RRAS2: variants seen among roughly 807,000 people sequenced by gnomAD.
The protein encoded by RRAS2 is ras-related protein R-Ras2.
RRAS2 carries 7 observed loss-of-function variants against 27.6 expected under a neutral mutation model. The observed-to-expected ratio is 0.25, with a 90% CI of 0.14 to 0.48. The LOEUF is 0.48. Ranked by LOEUF, RRAS2 falls within the 20% of genes least tolerant of loss-of-function variation. RRAS2 has a pLI of 0.99. For synonymous variants in RRAS2, 86 were observed against 90.9 expected (o/e 0.95, Z 0.31); for missense variants, 178 against 256.2 (o/e 0.69, Z 2.08).
At position 14,281,787 on chromosome 11, in the gene RRAS2, C is replaced by T. The variant is rs1184941213; in HGVS notation, c.409-67G>A. ...CTGGATTTGTTCCATCTAATCCTGGCCACAGATTGTGCTAATAATTCAGCC... is the reference window on the plus strand; with the variant it reads ...CTGGATTTGTTCCATCTAATCCTGGTCACAGATTGTGCTAATAATTCAGCC... On this transcript the variant is annotated intron_variant, in intron 4 of 5. Coordinates refer to ENST00000256196, the MANE Select transcript of RRAS2 (RefSeq NM_012250.6). The T allele has an allele frequency of 7.5e-6, 10 of 1,335,380 alleles. No homozygotes were observed. The African/African-American group carries it at 9.0e-5, about 12-fold the overall frequency. 82.7% of individuals were successfully genotyped at this position (1,335,380 alleles called of 1,614,324 possible).
intron 1 of RRAS2, among the ~76,000 whole-genome samples, chr11:14,319,844 G>A (rs1848188365): frequency 6.6e-6 from 1 of 152,168 alleles, no homozygotes; most frequent in South Asian, 2.1e-4. Context: ...TCAGAGCGCA[G>A]AAAAGTTGTG....
At chr11:14,280,150 TA>T (rs1201528283) in intron 5 of RRAS2, among the ~76,000 whole-genome samples, 4 of 152,112 alleles carry the variant, frequency 2.6e-5, no homozygotes, top group African/African-American at 9.7e-5. Flanking sequence ...ACATATAACA[TA>T]AAATTTTCCA....
chr11:14,323,766 T>C (rs185447548), intron 1 of RRAS2, among the ~76,000 whole-genome samples: 26 of 152,068 alleles, frequency 1.7e-4, no homozygotes, highest in Non-Finnish European at 3.2e-4. Flanking sequence ...CTAATAAACA[T>C]ACATGAAAAG....
chr11:14,334,901 A>C (rs1353108906), intron 1 of RRAS2, among the ~76,000 whole-genome samples: 1 of 151,886 alleles, frequency 6.6e-6, no homozygotes, highest in African/African-American at 2.4e-5. Flanking sequence ...ACTACCACCA[A>C]CCTAGCCCCA....
chr11:14,310,202 G>T (rs1482669042), intron 1 of RRAS2, among the ~76,000 whole-genome samples: 1 of 152,212 alleles, frequency 6.6e-6, no homozygotes, highest in Non-Finnish European at 1.5e-5. Flanking sequence ...GGCTGCAACA[G>T]GCTGGTGGGG....
chr11:14,289,662 G>A (rs1445630798), intron 4 of RRAS2, among the ~76,000 whole-genome samples: 2 of 152,114 alleles, frequency 1.3e-5, no homozygotes, highest in Non-Finnish European at 2.9e-5. Flanking sequence ...TCTGTCTACT[G>A]CTGCATCATC....
At chr11:14,303,568 T>A (rs1212041627) in intron 1 of RRAS2, among the ~76,000 whole-genome samples, 1 of 151,704 alleles carries the variant, frequency 6.6e-6, no homozygotes, top group Non-Finnish European at 1.5e-5. Flanking sequence ...GAGACCCCCA[T>A]CTCCACAAAA....
At chr11:14,352,288 G>C (rs559391495) in intron 1 of RRAS2, among the ~76,000 whole-genome samples, 1 of 152,294 alleles carries the variant, frequency 6.6e-6, no homozygotes, top group Non-Finnish European at 1.5e-5. Context: ...AAGCTGTTCA[G>C]TGCTATGCAA....
At chr11:14,310,031 A>G (rs996309497) in intron 1 of RRAS2, among the ~76,000 whole-genome samples, 7 of 152,240 alleles carry the variant, frequency 4.6e-5, no homozygotes, top group African/African-American at 1.7e-4. Flanking sequence ...GGTGACTGGA[A>G]TGGAGGTGTA....
rs139495800 is a variant in RRAS2, at chr11:14,346,942, G to A, written c.108+11821C>T. Among the ~76,000 whole-genome samples the A allele has an allele frequency of 4.2e-3, 633 of 152,212 alleles. 6 individuals carry two copies. The highest frequency in any genetic ancestry group is 0.015 in the African/African-American group (606 of 41,534). ...GGCCAAGGTGGGAGGATTGCTTGAG[G>A]CCAGGAGTTTAAGACTAGCTTGGGC... On this transcript the variant is annotated intron_variant, in intron 1 of 5. Coordinates refer to ENST00000256196, the MANE Select transcript of RRAS2 (RefSeq NM_012250.6).
intron 4 of RRAS2, among the ~76,000 whole-genome samples, chr11:14,290,379 G>A (rs187297945): frequency 6.6e-6 from 1 of 152,306 alleles, no homozygotes; most frequent in Non-Finnish European, 1.5e-5. Flanking sequence ...AACCCGGGAG[G>A]TGGATGTTGC....
chr11:14,308,846 GCAGT>G (rs1467093772), intron 1 of RRAS2, among the ~76,000 whole-genome samples: 9 of 152,142 alleles, frequency 5.9e-5, no homozygotes, highest in African/African-American at 1.4e-4. Context: ...TATTTTAGAG[GCAGT>G]CAGACCTACA....
intron 1 of RRAS2, among the ~76,000 whole-genome samples, chr11:14,347,311 T>C (rs1343588720): frequency 6.6e-6 from 1 of 152,214 alleles, no homozygotes; most frequent in Non-Finnish European, 1.5e-5. Flanking sequence ...GGGTATTAAC[T>C]ATTGTAATTG....
At chr11:14,339,294 G>C (rs370209335) in intron 1 of RRAS2, among the ~76,000 whole-genome samples, 1 of 37,712 alleles carries the variant, frequency 2.7e-5, no homozygotes, top group Non-Finnish European at 4.3e-5. Context: ...AAAAAAAAAA[G>C]GGGGGGGGGG....
intron 1 of RRAS2, among the ~76,000 whole-genome samples, chr11:14,299,916 G>C (rs1202803428): frequency 6.6e-6 from 1 of 152,184 alleles, no homozygotes; most frequent in African/African-American, 2.4e-5. Flanking sequence ...AACTATGTAT[G>C]CGTTCACTTA....
chr11:14,333,659 T>C (rs1312344905), intron 1 of RRAS2, among the ~76,000 whole-genome samples: 1 of 151,706 alleles, frequency 6.6e-6, no homozygotes, highest in Non-Finnish European at 1.5e-5. Context: ...TGCCCCTTTT[T>C]TTTTGGAGAC....
chr11:14,360,982 G>T (rs1300095974), upstream of RRAS2, among the ~76,000 whole-genome samples: 2 of 150,220 alleles, frequency 1.3e-5, no homozygotes, highest in Non-Finnish European at 3.0e-5. Context: ...TTGAATATTT[G>T]ACCCACAAAA....
chr11:14,295,960 GC>G, intron 1 of RRAS2, 105 bp from the exon 2 acceptor site: 1 of 978,976 alleles, frequency 1.0e-6, no homozygotes, highest in Non-Finnish European at 1.5e-6. Flanking sequence ...ATCACTTGAG[GC>G]CAGGAGTTTG....
chr11:14,309,221 G>A (rs1384109362), intron 1 of RRAS2, among the ~76,000 whole-genome samples: 1 of 152,030 alleles, frequency 6.6e-6, no homozygotes, highest in Admixed American at 6.5e-5. Context: ...ACCTCTTCTA[G>A]AACAGAGAAT....
Sources: allele counts gnomAD v4.1 joint callset (sites outside exome capture counted in the v4.1 genomes callset), GRCh38; gene constraint gnomAD v4.1.1; transcripts MANE v1.5; gene names NCBI Gene and HGNC (gene_info 2026-07-23, HGNC 2026-07-21).